Variants in MEIKIN observed in about 807,000 individuals in gnomAD.
MEIKIN encodes the protein meiotic kinetochore factor.
At chr5:131,894,110 T>C (rs954612501) in intron 8 of MEIKIN, among the ~76,000 whole-genome samples, 2 of 152,218 alleles carry the variant, frequency 1.3e-5, no homozygotes, top group African/African-American at 4.8e-5. Context: ...TTCAGCTTTC[T>C]ACATATGGCT....
chr5:131,855,180 A>G (rs1750172615), intron 9 of MEIKIN, among the ~76,000 whole-genome samples: 1 of 152,212 alleles, frequency 6.6e-6, no homozygotes, highest in Non-Finnish European at 1.5e-5. Context: ...GTTAACTACT[A>G]AGAAAGGTAT....
intron 12 of MEIKIN, among the ~76,000 whole-genome samples, chr5:131,815,590 T>C (rs1202074014): frequency 6.6e-6 from 1 of 152,076 alleles, no homozygotes; most frequent in Non-Finnish European, 1.5e-5. Context: ...CACTTTGGAG[T>C]CAATAGGCTA....
At chr5:131,894,822 A>C (rs575475536) in intron 8 of MEIKIN, among the ~76,000 whole-genome samples, 8 of 152,250 alleles carry the variant, frequency 5.3e-5, no homozygotes, top group South Asian at 4.2e-4. Context: ...GGTTTTCTAG[A>C]TATACAATCA....
intron 7 of MEIKIN, among the ~76,000 whole-genome samples, chr5:131,915,137 A>G (rs1751397664): frequency 1.3e-5 from 2 of 152,192 alleles, no homozygotes; most frequent in African/African-American, 4.8e-5. Flanking sequence ...AACACCTGGC[A>G]TAGGTGTTCT....
At chr5:131,820,782 T>C (rs534156636) in intron 11 of MEIKIN, among the ~76,000 whole-genome samples, 1 of 152,308 alleles carries the variant, frequency 6.6e-6, no homozygotes, top group African/African-American at 2.4e-5. Flanking sequence ...TTCTTCTAAA[T>C]TTTCCAAATT....
chr5:131,833,981 G>GTCT (rs1472902050), intron 11 of MEIKIN, among the ~76,000 whole-genome samples: 3 of 152,090 alleles, frequency 2.0e-5, no homozygotes, highest in African/African-American at 7.2e-5. Flanking sequence ...TGAAAACCTT[G>GTCT]TCTTCAGACA....
chr5:131,871,173 A>G (rs1580881932), intron 9 of MEIKIN, among the ~76,000 whole-genome samples: 1 of 152,182 alleles, frequency 6.6e-6, no homozygotes, highest in African/African-American at 2.4e-5. Flanking sequence ...GGTGCAGTGC[A>G]CCGTGCGCAA....
At chr5:131,870,818 T>C (rs1750476617) in intron 9 of MEIKIN, among the ~76,000 whole-genome samples, 1 of 152,266 alleles carries the variant, frequency 6.6e-6, no homozygotes, top group African/African-American at 2.4e-5. Flanking sequence ...CCAAAAATCT[T>C]TGTAACTCCC....
chr5:131,866,929 C>T (rs1750394335), intron 9 of MEIKIN, among the ~76,000 whole-genome samples: 1 of 151,974 alleles, frequency 6.6e-6, no homozygotes, highest in Non-Finnish European at 1.5e-5. Context: ...CTCTTCCTCC[C>T]CTTCTTCATT....
chr5:131,844,234 T>G (rs1749970633), intron 11 of MEIKIN, among the ~76,000 whole-genome samples: 1 of 151,986 alleles, frequency 6.6e-6, no homozygotes, highest in Non-Finnish European at 1.5e-5. Flanking sequence ...CAACAAGAGA[T>G]TTGGGAGAGG....
intron 5 of MEIKIN, among the ~76,000 whole-genome samples, chr5:131,929,341 C>T (rs1403196197): frequency 1.3e-5 from 2 of 152,050 alleles, no homozygotes; most frequent in Non-Finnish European, 2.9e-5. Flanking sequence ...ATTTCATTCC[C>T]CAGATTTGGG....
chr5:131,845,022 G>C (rs1360324200), intron 11 of MEIKIN, among the ~76,000 whole-genome samples: 1 of 152,138 alleles, frequency 6.6e-6, no homozygotes, highest in Non-Finnish European at 1.5e-5. Context: ...TATAATCCCA[G>C]CACTTTGGGA....
chr5:131,861,059 G>A (rs1750277862), intron 9 of MEIKIN, among the ~76,000 whole-genome samples: 1 of 151,358 alleles, frequency 6.6e-6, no homozygotes, highest in African/African-American at 2.4e-5. Context: ...ACCATGCCCA[G>A]CCCTAAGAGT....
intron 8 of MEIKIN, among the ~76,000 whole-genome samples, chr5:131,882,408 T>G (rs1481492584): frequency 6.6e-6 from 1 of 152,208 alleles, no homozygotes; most frequent in African/African-American, 2.4e-5. Flanking sequence ...GTTTACAGCT[T>G]GCTCCTCTGG....
intron 7 of MEIKIN, among the ~76,000 whole-genome samples, chr5:131,915,993 G>A (rs1198332930): frequency 2.0e-5 from 3 of 151,998 alleles, no homozygotes; most frequent in African/African-American, 4.8e-5. Context: ...AGAAGTTATC[G>A]CAATATAAAT....
chr5:131,863,299 G>C lies in MEIKIN; in HGVS notation c.775-8465C>G, dbSNP rs182330629. Among the ~76,000 whole-genome samples, 288 of 152,276 alleles carry C rather than the reference G, an allele frequency of 1.9e-3. 2 individuals are homozygous for C. The highest frequency in any genetic ancestry group is 2.6e-3 in the Non-Finnish European group (179 of 68,008). On this transcript the variant is annotated intron_variant, in intron 9 of 12. Transcript: ENST00000442687. The stretch of plus-strand genomic sequence containing the variant: ...TGGCTAAAAGGTTCTGTATATGTCT[G>C]TGAGGTCCATTTGGTCTAAAGTCCA...
At chr5:131,856,833 T>C (rs1478808970) in intron 9 of MEIKIN, among the ~76,000 whole-genome samples, 1 of 151,628 alleles carries the variant, frequency 6.6e-6, no homozygotes, top group Non-Finnish European at 1.5e-5. Context: ...TACATATTTA[T>C]AGTCTTTTCA....
At chr5:131,879,615 G>A (rs1236295964) in intron 8 of MEIKIN, among the ~76,000 whole-genome samples, 1 of 152,132 alleles carries the variant, frequency 6.6e-6, no homozygotes, top group Non-Finnish European at 1.5e-5. Context: ...TTGCCCACAG[G>A]CAAATTTCTT....
intron 9 of MEIKIN, among the ~76,000 whole-genome samples, chr5:131,866,344 C>T (rs1213715541): frequency 6.6e-6 from 1 of 152,168 alleles, no homozygotes; most frequent in Non-Finnish European, 1.5e-5. Flanking sequence ...GGATAGTGTC[C>T]TTGGGTACTA....
Sources: allele counts gnomAD v4.1 joint callset (sites outside exome capture counted in the v4.1 genomes callset), GRCh38; gene constraint gnomAD v4.1.1; transcripts MANE v1.5; gene names NCBI Gene and HGNC (gene_info 2026-07-23, HGNC 2026-07-21).